The following STPG2 variants were observed in gnomAD, a reference collection of about 807,000 sequenced individuals.
STPG2 encodes the protein sperm-tail PG-rich repeat-containing protein 2.
A neutral mutation model predicts 54.2 loss-of-function variants in STPG2; 56 were observed. The ratio of observed to expected loss-of-function variants is 1.03; its 90% CI spans 0.83 to 1.29. The LOEUF (loss-of-function observed/expected upper bound fraction) is 1.29, where lower values mean the gene tolerates loss of function less well. Among genes scored for constraint, STPG2 ranks in the 50% most tolerant of loss-of-function variants. The probability of loss-of-function intolerance (pLI) is 0.00; values close to 1 mark genes in which losing one functional copy is unlikely to be tolerated. For missense variants in STPG2, 596 were observed against 544.9 expected, an observed-to-expected ratio of 1.09 and a Z score of -0.93; for synonymous variants, 200 against 181.8, an observed-to-expected ratio of 1.10 and a Z score of -0.81.
At chr4:97,981,708 T>C in intron 5 of STPG2, among the ~76,000 whole-genome samples, 1 of 151,196 alleles carries the variant, frequency 6.6e-6, no homozygotes, top group East Asian at 1.9e-4. Flanking sequence ...ATTGAAAAAG[T>C]TCCTCAACAT....
At chr4:97,715,315 C>G (rs1321331739) in intron 9 of STPG2, among the ~76,000 whole-genome samples, 2 of 152,024 alleles carry the variant, frequency 1.3e-5, no homozygotes, top group Admixed American at 6.6e-5. Context: ...AGGAAGAAAA[C>G]TTCTCATTCC....
chr4:97,997,607 G>A (rs749158843), intron 5 of STPG2, among the ~76,000 whole-genome samples: 4 of 152,072 alleles, frequency 2.6e-5, no homozygotes, highest in Non-Finnish European at 5.9e-5. Context: ...GGGTGATAAT[G>A]CATATCGAAA....
At position 98,143,453 on chromosome 4, in the gene STPG2, G is replaced by A. The variant is rs1019513222; in HGVS notation, c.-303C>T. Among the ~76,000 whole-genome samples the A allele has an allele frequency of 2.6e-5, 4 of 152,140 alleles. No individual in the cohort carries two copies. Among genetic ancestry groups the A allele is most frequent in the Admixed American group, 6.5e-5 (1 of 15,278 alleles). ...CAAAATTGGGTATTAGGGATTAGAC[G>A]CTCGCCCCGGTGCTTCCGGCCCTGA... On this transcript the variant is annotated 5_prime_UTR_variant, in exon 1 of 11. Transcript: ENST00000295268.
chr4:98,061,312 A>G (rs995644644), intron 5 of STPG2, among the ~76,000 whole-genome samples: 3 of 152,242 alleles, frequency 2.0e-5, no homozygotes, highest in Admixed American at 6.5e-5. Flanking sequence ...TACAGGAAGC[A>G]TAGCCAGAAG....
intron 2 of STPG2, among the ~76,000 whole-genome samples, chr4:98,130,166 C>T (rs916476327): frequency 6.8e-6 from 1 of 146,614 alleles, no homozygotes; most frequent in African/African-American, 2.5e-5. Flanking sequence ...AGTCGTTTTT[C>T]TTTTTTAATA....
intron 9 of STPG2, among the ~76,000 whole-genome samples, chr4:97,822,063 A>G (rs1327777788): frequency 3.9e-5 from 6 of 152,096 alleles, no homozygotes; most frequent in Non-Finnish European, 8.8e-5. Flanking sequence ...CAGGCTGCAA[A>G]TTTTCCAAAC....
At position 97,741,698 on chromosome 4, in the gene STPG2, A is replaced by C. The variant is rs539916839; in HGVS notation, c.1205-28884T>G. On this transcript the variant is annotated intron_variant, in intron 9 of 10. Transcript: ENST00000295268. ...CACACCAGTTAGAATGGCAATCATT[A>C]AAAAGTCAGGAAACAACAGGTGCTG... is the stretch of plus-strand genomic sequence containing the variant. Among the ~76,000 whole-genome samples, 678 of 152,220 alleles carry C rather than the reference A, an allele frequency of 4.5e-3. 3 individuals carry two copies. Among genetic ancestry groups the C allele is most frequent in the South Asian group, 0.024 (116 of 4,818 alleles).
At chr4:97,861,706 A>T (rs142134911) in intron 8 of STPG2, among the ~76,000 whole-genome samples, 1 of 152,320 alleles carries the variant, frequency 6.6e-6, no homozygotes, top group Non-Finnish European at 1.5e-5. Flanking sequence ...GAAGCCCATC[A>T]GACTAACAGC....
intron 9 of STPG2, among the ~76,000 whole-genome samples, chr4:97,778,972 A>T (rs1029398127): frequency 6.6e-6 from 1 of 152,200 alleles, no homozygotes; most frequent in Non-Finnish European, 1.5e-5. Context: ...AAAACCACAA[A>T]GATGGGGAAA....
chr4:98,091,766 G>GTA (rs1024074496), intron 5 of STPG2, among the ~76,000 whole-genome samples: 23 of 151,842 alleles, frequency 1.5e-4, no homozygotes, highest in South Asian at 6.2e-4. Context: ...AGCATTGTGT[G>GTA]TATATACATA....
intron 10 of STPG2, among the ~76,000 whole-genome samples, chr4:97,653,388 GA>G (rs72319515): frequency 0.063 from 8,864 of 141,380 alleles, 386 homozygotes; most frequent in Admixed American, 0.15. Flanking sequence ...CAATATGGAA[GA>G]AAAAAAAAAA....
chr4:97,639,035 C>T (rs1340392630), intron 10 of STPG2, among the ~76,000 whole-genome samples: 2 of 152,036 alleles, frequency 1.3e-5, no homozygotes, highest in Non-Finnish European at 2.9e-5. Flanking sequence ...GCTATAAAGA[C>T]ACACGCACAC....
intron 5 of STPG2, among the ~76,000 whole-genome samples, chr4:98,089,333 A>G (rs182529331): frequency 1.3e-5 from 2 of 152,216 alleles, no homozygotes; most frequent in East Asian, 3.9e-4. Context: ...GTTACTTCAC[A>G]TGGAATAATG....
At chr4:97,877,803 C>T (rs1730233308) in intron 8 of STPG2, among the ~76,000 whole-genome samples, 3 of 152,132 alleles carry the variant, frequency 2.0e-5, no homozygotes, top group Non-Finnish European at 4.4e-5. Context: ...TCATGCCTTC[C>T]CAACGGTCCC....
At chr4:97,617,616 TTTTTTC>T (rs1252022203) in intron 10 of STPG2, among the ~76,000 whole-genome samples, 1 of 152,128 alleles carries the variant, frequency 6.6e-6, no homozygotes, top group African/African-American at 2.4e-5. Flanking sequence ...ACTCCCTCTC[TTTTTTC>T]TCACTAAGTG....
At chr4:97,777,566 G>C (rs1199313445) in intron 9 of STPG2, among the ~76,000 whole-genome samples, 6 of 152,184 alleles carry the variant, frequency 3.9e-5, no homozygotes, top group Admixed American at 1.3e-4. Context: ...CTAGGGAATG[G>C]ACAAAAGGAT....
chr4:97,813,677 TAAAAAAAAAAAAAAAAAAAA>T (rs869298230), intron 9 of STPG2, among the ~76,000 whole-genome samples: 2 of 45,928 alleles, frequency 4.4e-5, no homozygotes, highest in African/African-American at 1.6e-4. Context: ...CCCTGTCTCT[TAAAAAAAAAAAAAAAAAAAA>T]AAAAAAAAAA....
chr4:97,878,876 C>T (rs1048493306), intron 8 of STPG2, among the ~76,000 whole-genome samples: 1 of 152,096 alleles, frequency 6.6e-6, no homozygotes, highest in Non-Finnish European at 1.5e-5. Flanking sequence ...ATTTTCTAAG[C>T]TTTTATGCTC....
chr4:97,694,812 C>CA lies in STPG2; in HGVS notation c.1320+17886dup, dbSNP rs70953083. ...TGGGTTACAGAGCAAGACTCTGTCA[C>CA]AAAAAAAAAAAAAAAAAAAAAAAAA... On this transcript the variant is annotated intron_variant, in intron 10 of 10. Coordinates refer to ENST00000295268, the MANE Select transcript of STPG2 (RefSeq NM_174952.3). Among the ~76,000 whole-genome samples the CA allele has an allele frequency of 1.6e-4, 7 of 44,044 alleles. 1 individual carries two copies. Among genetic ancestry groups the CA allele is most frequent in the Admixed American group, 4.4e-4 (1 of 2,256 alleles). The allele number at this position is 44,044 out of a possible 152,430, so 28.9% of individuals were successfully genotyped here.
Sources: allele counts gnomAD v4.1 joint callset (sites outside exome capture counted in the v4.1 genomes callset), GRCh38; gene constraint gnomAD v4.1.1; transcripts MANE v1.5; gene names NCBI Gene and HGNC (gene_info 2026-07-23, HGNC 2026-07-21).